The following PLCZ1 variants were observed in gnomAD, a reference collection of about 807,000 sequenced individuals.
The protein encoded by PLCZ1 is 1-phosphatidylinositol 4,5-bisphosphate phosphodiesterase zeta-1.
A neutral mutation model predicts 76.8 loss-of-function variants in PLCZ1; 64 were observed. The ratio of observed to expected loss-of-function variants is 0.83; its 90% confidence interval spans 0.68 to 1.03. The LOEUF (loss-of-function observed/expected upper bound fraction) is 1.03, where lower values mean the gene tolerates loss of function less well. Among genes scored for constraint, PLCZ1 ranks in the 50% least tolerant of loss-of-function variants. The pLI is 0.00. For synonymous variants in PLCZ1, 248 were observed against 230.8 expected (o/e 1.07, Z -0.68); for missense variants, 751 against 713.7 (o/e 1.05, Z -0.60).
the PLCZ1 span, among the ~76,000 whole-genome samples, chr12:18,656,630 G>A: frequency 1.3e-5 from 2 of 152,140 alleles, no homozygotes; most frequent in East Asian, 3.9e-4. Flanking sequence ...CAGCTACTTG[G>A]GAAGCTCAGG....
At chr12:18,683,174 A>C, downstream of PLCZ1, 1 of 1,352,130 alleles carries the variant, frequency 7.4e-7, no homozygotes, top group South Asian at 1.2e-5. Context: ...AGAAAACATA[A>C]AGACATTCAT....
At chr12:18,665,059 A>C in the PLCZ1 span, among the ~76,000 whole-genome samples, 1 of 151,040 alleles carries the variant, frequency 6.6e-6, no homozygotes, top group Non-Finnish European at 1.5e-5. Flanking sequence ...CTAATGCTAA[A>C]TGACGAGTTG....
chr12:18,714,697 G>A (rs1191227756), intron 5 of PLCZ1: 1 of 152,124 alleles, frequency 6.6e-6, no homozygotes, highest in Non-Finnish European at 1.5e-5. Flanking sequence ...GGACGACTTT[G>A]CCTCACAGGA....
chr12:18,737,498 G>C lies in PLCZ1; in HGVS notation c.-127C>G. On this transcript the variant is annotated 5_prime_UTR_variant, in exon 2 of 15. Transcript: ENST00000266505. ...AATAATTTCTTGATACTCATCAGCT[G>C]TTACCACTTTTCTAGGGAGAAAGCA... The C allele has an allele frequency of 1.5e-6, 2 of 1,320,716 alleles. No individual in the cohort carries two copies. The highest frequency in any genetic ancestry group is 2.2e-6 in the Non-Finnish European group (2 of 923,676). 81.8% of individuals were successfully genotyped at this position (1,320,716 alleles called of 1,614,324 possible).
At chr12:18,693,467 G>C (rs1191953201) in intron 12 of PLCZ1, 4 of 1,606,898 alleles carry the variant, frequency 2.5e-6, no homozygotes, top group Admixed American at 3.3e-5. Flanking sequence ...ACCTGGCACA[G>C]GTAAAACCTT....
intron 6 of PLCZ1, among the ~76,000 whole-genome samples, chr12:18,709,785 T>C (rs910809918): frequency 6.6e-6 from 1 of 152,146 alleles, no homozygotes; most frequent in Non-Finnish European, 1.5e-5. Context: ...TTATATCTTC[T>C]GATTCAGGAG....
In PLCZ1 at chr12:18,684,192, C is replaced by A. The variant is rs774273679; in HGVS notation, c.1679G>T (p.Gly560Val). ...AAGAAATTCATTTCCTGCTATTAAA[C>A]CTTGACCTTCAACAACAAAACGTAT... ...ALIRFVVEGQ[G>V]LIAGNEFLGQ... Residue 560 changes from glycine (G) to valine (V), a missense_variant, in exon 14 of 15, where the codon GGT becomes GTT. Physicochemically the swap from Gly to Val is moderately radical, Grantham distance 109. Transcript: ENST00000266505. 1.9e-6 allele frequency: 3 copies of A among 1,612,228 alleles called. No homozygotes were observed. Among genetic ancestry groups the A allele is most frequent in the East Asian group, 4.5e-5 (2 of 44,770 alleles).
At chr12:18,735,300 T>G (rs1448714228) in intron 3 of PLCZ1, among the ~76,000 whole-genome samples, 1 of 152,208 alleles carries the variant, frequency 6.6e-6, no homozygotes, top group Non-Finnish European at 1.5e-5. Context: ...TCTTCTATTT[T>G]TTAGAAGCAT....
chr12:18,715,071 T>G (rs544951136), intron 5 of PLCZ1, among the ~76,000 whole-genome samples: 1 of 151,034 alleles, frequency 6.6e-6, no homozygotes, highest in African/African-American at 2.4e-5. Context: ...ACCCAAGAAG[T>G]ACTTAGGTAA....
intron 2 of PLCZ1, 34 bp downstream of exon 2, chr12:18,737,327 A>T: frequency 6.2e-7 from 1 of 1,602,642 alleles, no homozygotes; most frequent in Non-Finnish European, 8.6e-7. Context: ...AGGAGAAAGA[A>T]GAAGAGGAGC....
the PLCZ1 span, among the ~76,000 whole-genome samples, chr12:18,655,754 A>G: frequency 1.0e-4 from 1 of 9,806 alleles, no homozygotes; most frequent in Admixed American, 1.5e-3. Flanking sequence ...TATCATGAAA[A>G]AAAAAAAAAA....
chr12:18,688,234 T>C lies in PLCZ1; in HGVS notation c.1462-16A>G. On this transcript the variant is annotated splice_polypyrimidine_tract_variant and intron_variant, in intron 12 of 14. Coordinates refer to ENST00000266505, the MANE Select transcript of PLCZ1 (RefSeq NM_033123.4). The stretch of plus-strand genomic sequence containing the variant: ...CACTGATGAGCTGCACAAATATATA[T>C]GAATATAAGAATTTAGCAAGATATT... 1 of 1,592,600 alleles carries C rather than the reference T, an allele frequency of 6.3e-7. No homozygotes were observed. Among genetic ancestry groups the C allele is most frequent in the Non-Finnish European group, 8.5e-7 (1 of 1,171,174 alleles).
At chr12:18,686,394 A>G (rs1445012446) in intron 13 of PLCZ1, among the ~76,000 whole-genome samples, 1 of 151,962 alleles carries the variant, frequency 6.6e-6, no homozygotes, top group African/African-American at 2.4e-5. Context: ...CTCCCTAAAT[A>G]ATTTTCTCAT....
At chr12:18,694,849 A>C in intron 12 of PLCZ1, 61 bp downstream of exon 12, 1 of 1,282,238 alleles carries the variant, frequency 7.8e-7, no homozygotes, top group Non-Finnish European at 1.1e-6. Context: ...CAAAATACTA[A>C]TGTACACTAT....
the PLCZ1 span, among the ~76,000 whole-genome samples, chr12:18,667,006 A>G: frequency 1.3e-5 from 2 of 152,188 alleles, no homozygotes; most frequent in Non-Finnish European, 2.9e-5. Flanking sequence ...AACTAAAAAT[A>G]CCGTTTCTCA....
rs1042628169 is a variant in PLCZ1 at position 18,702,985 on chromosome 12, A to G, written c.865-1209T>C. 1.4e-4 allele frequency among the ~76,000 whole-genome samples: 21 copies of G among 151,882 alleles called. 1 individual carries two copies. The highest frequency in any genetic ancestry group is 4.6e-4 in the African/African-American group (19 of 41,448). ...ACAGGGTAACTTTAATTCTTTATTT[A>G]CTCATTGAAAAGCACCTCCCTGCTT... On this transcript the variant is annotated intron_variant, in intron 7 of 14. Coordinates refer to ENST00000266505, the MANE Select transcript of PLCZ1 (RefSeq NM_033123.4).
At chr12:18,648,420 C>A in the PLCZ1 span, 11 of 209,934 alleles carry the variant, frequency 5.2e-5, no homozygotes, top group East Asian at 8.0e-4. Flanking sequence ...AATTCAAGAT[C>A]TAGGTATATC....
the PLCZ1 span, among the ~76,000 whole-genome samples, chr12:18,654,992 G>A: frequency 6.6e-6 from 1 of 151,780 alleles, no homozygotes; most frequent in Non-Finnish European, 1.5e-5. Flanking sequence ...ACCCATATAA[G>A]AAGCTGAATA....
At position 18,684,383 on chromosome 12, in the gene PLCZ1, T is replaced by A. The variant is rs567149044; in HGVS notation, c.1592-104A>T. The stretch of plus-strand genomic sequence containing the variant: ...CTTTTTCTTTTCAACCCTTTAACAA[T>A]AATATCTTGTGTTTAGAGCACATAG... On this transcript the variant is annotated intron_variant, in intron 13 of 14. Transcript: ENST00000266505. 1.1e-3 allele frequency: 1,210 copies of A among 1,089,212 alleles called. 25 individuals are homozygous for A. The South Asian group carries it at 0.017, about 15-fold the overall frequency. 67.5% of individuals were successfully genotyped at this position (1,089,212 alleles called of 1,614,324 possible).
Sources: gnomAD v4.1 joint callset for allele counts (sites outside exome capture counted in the v4.1 genomes callset) on GRCh38, gnomAD v4.1.1 for gene constraint, MANE v1.5 for transcripts, NCBI Gene and HGNC (gene_info 2026-07-23, HGNC 2026-07-21) for gene names.